ZFC3H1: variants seen among roughly 807,000 people sequenced by gnomAD.
ZFC3H1 encodes zinc finger C3H1-type containing.
Under a neutral mutation model 243.7 loss-of-function variants are expected in ZFC3H1, and 71 were observed. The ratio of observed to expected loss-of-function variants is 0.29; its 90% CI spans 0.24 to 0.36. The LOEUF (loss-of-function observed/expected upper bound fraction) is 0.36, where lower values mean the gene tolerates loss of function less well. ZFC3H1 is among the 10% of genes least tolerant of loss of function. The pLI is 1.00. For missense variants in ZFC3H1, 1,966 were observed against 2,317.1 expected, an observed-to-expected ratio of 0.85 and a Z score of 3.11; for synonymous variants, 838 against 813.0, an observed-to-expected ratio of 1.03 and a Z score of -0.52.
In ZFC3H1 at chr12:71,642,697, G is replaced by A. The variant is rs1229484973; in HGVS notation, c.1504-138C>T. 41 of 977,446 alleles carry A rather than the reference G, an allele frequency of 4.2e-5. No homozygotes were observed. In the East Asian group the frequency reaches 9.9e-4, roughly 24 times the overall value. 60.5% of individuals were successfully genotyped at this position (977,446 alleles called of 1,614,324 possible). A position where few individuals can be genotyped will look rare whatever the true frequency, so the allele number is the denominator to read the frequency against. ...GTTAGATGTGCCTATCACATCTTTG[G>A]GAAATTCAATTCAAATGATAGGTAC... On this transcript the variant is annotated intron_variant, in intron 5 of 34. Coordinates refer to ENST00000378743, the MANE Select transcript of ZFC3H1 (RefSeq NM_144982.5).
chr12:71,623,394 C>T lies in ZFC3H1; in HGVS notation c.4710G>A (p.Lys1570=), dbSNP rs1039883012. 1.9e-5 allele frequency: 31 copies of T among 1,612,952 alleles called. No individual in the cohort carries two copies. Among genetic ancestry groups the T allele is most frequent in the Admixed American group, 5.0e-5 (3 of 59,830 alleles). Residue 1570 remains lysine (K), a synonymous_variant, in exon 24 of 35, where the codon AAG becomes AAA. Transcript: ENST00000378743. ...VMPWQAVQDV[K]TNPDMLLAVF... ...CTGCTAACAACATGTCAGGATTAGTCTTTACATCTTGAACAGCTTGCCATG... is the reference window on the plus strand; with the variant it reads ...CTGCTAACAACATGTCAGGATTAGTTTTTACATCTTGAACAGCTTGCCATG...
intron 14 of ZFC3H1, 146 bp from the exon 15 acceptor site, chr12:71,632,660 T>C (rs1880353236): frequency 8.0e-7 from 1 of 1,255,500 alleles, no homozygotes; most frequent in South Asian, 1.7e-5. Context: ...TTAACATAAG[T>C]AGCCAAAAGT....
Position 71,647,828 on chromosome 12 carries a change from AAT to A in ZFC3H1, c.1016-17_1016-16del. 9.2e-7 allele frequency: 1 copy of A among 1,090,030 alleles called. No individual in the cohort carries two copies. Among genetic ancestry groups the A allele is most frequent in the Non-Finnish European group, 1.3e-6 (1 of 754,584 alleles). The allele number at this position is 1,090,030 out of a possible 1,614,324, so 67.5% of individuals were successfully genotyped here. ...ATCTTGTAATCCTTTAAAATAAAAT[AAT>A]ATCTTTTGAATAATCCAAAAGATAG... On this transcript the variant is annotated splice_polypyrimidine_tract_variant and intron_variant, in intron 2 of 34. Coordinates refer to ENST00000378743, the MANE Select transcript of ZFC3H1 (RefSeq NM_144982.5).
intron 2 of ZFC3H1, among the ~76,000 whole-genome samples, chr12:71,653,563 A>G (rs2137559210): frequency 6.6e-6 from 1 of 152,374 alleles, no homozygotes; most frequent in African/African-American, 2.4e-5. Flanking sequence ...AAAGAAATCT[A>G]CAATCAGCAC....
Position 71,633,030 on chromosome 12 carries a change from G to C in ZFC3H1, c.2686-13C>G. ...GAACTCTGTGAATCTGAAAAATATA[G>C]AATAATCCTGAAAATGTAAATGAAA... On this transcript the variant is annotated splice_polypyrimidine_tract_variant and intron_variant, in intron 13 of 34. Coordinates refer to ENST00000378743, the MANE Select transcript of ZFC3H1 (RefSeq NM_144982.5). The C allele has an allele frequency of 6.4e-7, 1 of 1,572,596 alleles. No homozygotes were observed. The highest frequency in any genetic ancestry group is 8.6e-7 in the Non-Finnish European group (1 of 1,165,086).
In ZFC3H1 at chr12:71,661,487, T is replaced by A. The variant is rs1170038412; in HGVS notation, c.598+1526A>T. On this transcript the variant is annotated intron_variant, in intron 1 of 34. Coordinates refer to ENST00000378743, the MANE Select transcript of ZFC3H1 (RefSeq NM_144982.5). ...GTTAAATATCTATATAATTTTCCTT[T>A]TTTTTTTTTTTTTGAAACGGAGTCT... 4.8e-3 allele frequency among the ~76,000 whole-genome samples: 671 copies of A among 140,752 alleles called. 5 individuals are homozygous for A. Among genetic ancestry groups the A allele is most frequent in the African/African-American group, 0.019 (646 of 33,448 alleles). The allele number at this position is 140,752 out of a possible 152,430, so 92.3% of individuals were successfully genotyped here. A position where few individuals can be genotyped will look rare whatever the true frequency, so the allele number is the denominator to read the frequency against.
intron 2 of ZFC3H1, among the ~76,000 whole-genome samples, chr12:71,652,361 ATTCT>A (rs1391803364): frequency 4.6e-5 from 7 of 152,188 alleles, no homozygotes; most frequent in Non-Finnish European, 8.8e-5. Flanking sequence ...CAAAATTCAA[ATTCT>A]TTAGCAAAAT....
In ZFC3H1 at chr12:71,614,714, A is replaced by C; in HGVS notation, c.5361-14T>G. The C allele has an allele frequency of 6.3e-7, 1 of 1,599,184 alleles. No individual in the cohort carries two copies. The highest frequency in any genetic ancestry group is 8.5e-7 in the Non-Finnish European group (1 of 1,174,934). On this transcript the variant is annotated splice_polypyrimidine_tract_variant and intron_variant, in intron 29 of 34. Coordinates refer to ENST00000378743, the MANE Select transcript of ZFC3H1 (RefSeq NM_144982.5). ...AAGACAAGATAACTGCCAAAAGAAAAATATTATAATTTAGAATAACTAAGA... is the reference window on the plus strand; with the variant it reads ...AAGACAAGATAACTGCCAAAAGAAACATATTATAATTTAGAATAACTAAGA...
intron 10 of ZFC3H1, 73 bp downstream of exon 10, chr12:71,635,369 AT>A: frequency 1.3e-6 from 2 of 1,505,632 alleles, no homozygotes; most frequent in Non-Finnish European, 8.8e-7. Flanking sequence ...TTATGGTTTA[AT>A]TTTCAGGAAA....
At chr12:71,653,430 T>C (rs1880939885) in intron 2 of ZFC3H1, among the ~76,000 whole-genome samples, 1 of 152,262 alleles carries the variant, frequency 6.6e-6, no homozygotes, top group African/African-American at 2.4e-5. Context: ...CATACATCTA[T>C]ACAGAGTTCC....
chr12:71,651,671 T>C (rs1410081932), intron 2 of ZFC3H1, among the ~76,000 whole-genome samples: 1 of 152,184 alleles, frequency 6.6e-6, no homozygotes, highest in Non-Finnish European at 1.5e-5. Flanking sequence ...AGTCAAAAGC[T>C]GGTACCGACT....
chr12:71,626,191 A>T, intron 22 of ZFC3H1, 69 bp downstream of exon 22: 1 of 1,488,710 alleles, frequency 6.7e-7, no homozygotes. Flanking sequence ...TCAATTTTTA[A>T]GATGATCCAA....
chr12:71,649,455 CT>C (rs1437405983), intron 2 of ZFC3H1, among the ~76,000 whole-genome samples: 2 of 152,178 alleles, frequency 1.3e-5, no homozygotes, highest in African/African-American at 2.4e-5. Context: ...ATATTTCACA[CT>C]TTTTTTCTCC....
At chr12:71,652,103 AG>A (rs1236326460) in intron 2 of ZFC3H1, among the ~76,000 whole-genome samples, 1 of 152,214 alleles carries the variant, frequency 6.6e-6, no homozygotes, top group Non-Finnish European at 1.5e-5. Context: ...AGAGTTGTCA[AG>A]AGATATGGAA....
At chr12:71,642,672 G>T in intron 5 of ZFC3H1, 113 bp from the exon 6 acceptor site, 1 of 1,229,686 alleles carries the variant, frequency 8.1e-7, no homozygotes, top group Non-Finnish European at 1.1e-6. Flanking sequence ...TGGTGATTCA[G>T]TTAGATGTGC....
Position 71,632,099 on chromosome 12 carries a change from T to C in ZFC3H1, c.3233A>G (p.Glu1078Gly), listed in dbSNP as rs757091225. 3 of 1,611,398 alleles carry C rather than the reference T, an allele frequency of 1.9e-6. No individual in the cohort carries two copies. Among genetic ancestry groups the C allele is most frequent in the Admixed American group, 3.4e-5 (2 of 59,244 alleles). The change falls in exon 15 of 35, where the codon GAA becomes GGA. Residue 1078 changes from glutamate (E) to glycine (G), a missense_variant. Transcript: ENST00000378743. ...CINKLNKNTV[E>G]KPELFLGLKI... ...TAACCCTAGAAAAAGTTCTGGTTTT[T>C]CTACAGTATTTTTATTAAGTTTGTT...
chr12:71,611,948 C>T (rs1175020261), intron 31 of ZFC3H1, 61 bp from the exon 32 acceptor site: 1 of 970,864 alleles, frequency 1.0e-6, no homozygotes, highest in Non-Finnish European at 1.6e-6. Flanking sequence ...CCCAAATGTG[C>T]TCTATGAGCA....
intron 2 of ZFC3H1, among the ~76,000 whole-genome samples, chr12:71,650,731 AGAGAT>A (rs1052396563): frequency 2.0e-4 from 30 of 152,244 alleles, no homozygotes; most frequent in African/African-American, 7.0e-4. Context: ...TGAATATAGT[AGAGAT>A]GTCTACCCCC....
At chr12:71,644,630 A>T (rs573839524) in intron 4 of ZFC3H1, among the ~76,000 whole-genome samples, 1 of 152,172 alleles carries the variant, frequency 6.6e-6, no homozygotes, top group Non-Finnish European at 1.5e-5. Context: ...CAGTTAGCCC[A>T]ACACCGCCAA....
Sources: allele counts gnomAD v4.1 joint callset (sites outside exome capture counted in the v4.1 genomes callset), GRCh38; gene constraint gnomAD v4.1.1; transcripts MANE v1.5; gene names NCBI Gene and HGNC (gene_info 2026-07-23, HGNC 2026-07-21).